The following SENP7 variants were observed in gnomAD, a reference collection of about 807,000 sequenced individuals.
SENP7 encodes the protein sentrin-specific protease 7.
SENP7 carries 64 observed loss-of-function variants against 141.2 expected under a neutral mutation model. The ratio of observed to expected loss-of-function variants is 0.45; its 90% CI spans 0.37 to 0.56. The LOEUF (loss-of-function observed/expected upper bound fraction) is 0.56. Ranked by LOEUF, SENP7 falls within the 20% of genes least tolerant of loss-of-function variation. The pLI is 0.00. For synonymous variants in SENP7, 382 were observed against 426.4 expected, an observed-to-expected ratio of 0.90 and a Z score of 1.28; for missense variants, 1,025 against 1,212.2, an observed-to-expected ratio of 0.85 and a Z score of 2.29.
intron 13 of SENP7, among the ~76,000 whole-genome samples, chr3:101,345,556 T>C (rs985445687): frequency 6.6e-6 from 1 of 152,230 alleles, no homozygotes; most frequent in African/African-American, 2.4e-5. Flanking sequence ...TGTTGGTGTA[T>C]AGCAGAGCTA....
chr3:101,513,197 G>C lies in SENP7; in HGVS notation c.-67C>G. ...TCAGGACCCCTCCGGCTTGGAGAGG[G>C]AGGGGGAGGGGAAAGGAAAAAAAAA... On this transcript the variant is annotated 5_prime_UTR_variant, in exon 1 of 24. Coordinates refer to ENST00000394095, the MANE Select transcript of SENP7 (RefSeq NM_020654.5). 1.3e-6 allele frequency: 1 copy of C among 746,162 alleles called. No individual in the cohort carries two copies. The highest frequency in any genetic ancestry group is 2.2e-6 in the Non-Finnish European group (1 of 458,296). The allele number at this position is 746,162 out of a possible 1,614,324, so 46.2% of individuals were successfully genotyped here.
intron 1 of SENP7, among the ~76,000 whole-genome samples, chr3:101,505,390 A>C (rs1465013373): frequency 1.3e-5 from 2 of 152,232 alleles, no homozygotes; most frequent in Non-Finnish European, 2.9e-5. Flanking sequence ...CAGTTTCTTA[A>C]ATTTTAATTT....
intron 1 of SENP7, among the ~76,000 whole-genome samples, chr3:101,511,787 A>G (rs1333782334): frequency 6.6e-6 from 1 of 152,164 alleles, no homozygotes; most frequent in Non-Finnish European, 1.5e-5. Context: ...GCACTCCTAA[A>G]TAAATTTGGA....
At chr3:101,429,859 G>A (rs990767992) in intron 4 of SENP7, among the ~76,000 whole-genome samples, 5 of 152,154 alleles carry the variant, frequency 3.3e-5, no homozygotes, top group African/African-American at 1.2e-4. Flanking sequence ...TTTGAGATAT[G>A]TTCCATCGAT....
Position 101,451,607 on chromosome 3 carries a change from CA to C in SENP7, c.284+7347del, listed in dbSNP as rs1473137986. On this transcript the variant is annotated intron_variant, in intron 4 of 23. Transcript: ENST00000394095. ...TCCAGCATATAAACAGAACCAATGA[CA>C]AAAACCATATGATTATCTCAACAGA... Among the ~76,000 whole-genome samples the C allele has an allele frequency of 6.6e-5, 10 of 152,252 alleles. No individual in the cohort carries two copies. In the East Asian group the frequency reaches 1.9e-3, roughly 29 times the overall value.
At chr3:101,511,157 G>T (rs2065841258) in intron 1 of SENP7, among the ~76,000 whole-genome samples, 1 of 152,074 alleles carries the variant, frequency 6.6e-6, no homozygotes, top group South Asian at 2.1e-4. Flanking sequence ...ACGAGAAAAA[G>T]AAAACGCTCT....
chr3:101,357,007 C>CTT, intron 11 of SENP7, among the ~76,000 whole-genome samples: 1 of 147,292 alleles, frequency 6.8e-6, no homozygotes, highest in African/African-American at 2.5e-5. Flanking sequence ...TATGAACATT[C>CTT]TTTTTTTTTT....
intron 4 of SENP7, among the ~76,000 whole-genome samples, chr3:101,427,278 C>T (rs2061992494): frequency 6.6e-6 from 1 of 152,032 alleles, no homozygotes; most frequent in Admixed American, 6.6e-5. Context: ...TGCCTGAGCT[C>T]AGGAGTTTGA....
Position 101,387,576 on chromosome 3 carries a change from G to A in SENP7, c.677+11285C>T, listed in dbSNP as rs538546864. 2.0e-5 allele frequency among the ~76,000 whole-genome samples: 3 copies of A among 152,268 alleles called. No homozygotes were observed. In the South Asian group the frequency reaches 6.2e-4, roughly 32 times the overall value. On this transcript the variant is annotated intron_variant, in intron 6 of 23. Coordinates refer to ENST00000394095, the MANE Select transcript of SENP7 (RefSeq NM_020654.5). ...CTGCCCACCACTGCTGGTGTCCACA[G>A]AGCCATCATGACCACCATTGCCAGC...
chr3:101,399,850 T>G (rs2061081937), intron 5 of SENP7, among the ~76,000 whole-genome samples: 1 of 152,160 alleles, frequency 6.6e-6, no homozygotes, highest in Admixed American at 6.5e-5. Context: ...GGTTTCAAAC[T>G]CCTGGGCTCA....
intron 11 of SENP7, chr3:101,357,742 A>G: frequency 1.5e-6 from 1 of 657,348 alleles, no homozygotes; most frequent in Non-Finnish European, 2.8e-6. Flanking sequence ...GACATAAGAC[A>G]TACTGGAAAA....
intron 13 of SENP7, among the ~76,000 whole-genome samples, chr3:101,345,971 G>C (rs912061008): frequency 2.0e-5 from 3 of 152,148 alleles, no homozygotes; most frequent in Non-Finnish European, 2.9e-5. Context: ...AGTCAGCAGA[G>C]TAAATAGACA....
intron 6 of SENP7, among the ~76,000 whole-genome samples, chr3:101,379,885 T>C (rs1181297170): frequency 2.0e-5 from 3 of 152,200 alleles, no homozygotes; most frequent in African/African-American, 7.2e-5. Flanking sequence ...ATGTTCATAA[T>C]GGCATTACAC....
At chr3:101,376,965 GA>G (rs1239617554) in intron 6 of SENP7, among the ~76,000 whole-genome samples, 3 of 152,148 alleles carry the variant, frequency 2.0e-5, no homozygotes, top group African/African-American at 4.8e-5. Context: ...AAAGTTGTAA[GA>G]TTTTTTTTAA....
intron 5 of SENP7, among the ~76,000 whole-genome samples, chr3:101,405,377 A>C (rs1245165043): frequency 6.6e-6 from 1 of 152,190 alleles, no homozygotes; most frequent in Non-Finnish European, 1.5e-5. Flanking sequence ...CCATAGGAAA[A>C]GGGCGAGAGT....
intron 4 of SENP7, among the ~76,000 whole-genome samples, chr3:101,438,372 A>T (rs2107751652): frequency 6.6e-6 from 1 of 152,346 alleles, no homozygotes; most frequent in East Asian, 1.9e-4. Flanking sequence ...AAAAAGTTAA[A>T]ATCATCAAAA....
intron 5 of SENP7, among the ~76,000 whole-genome samples, chr3:101,412,044 A>G (rs1324206370): frequency 1.3e-5 from 2 of 152,202 alleles, no homozygotes; most frequent in African/African-American, 2.4e-5. Context: ...GGAAACTGTC[A>G]TATTCAAATA....
intron 11 of SENP7, chr3:101,358,588 C>T (rs1198166111): frequency 5.2e-6 from 1 of 191,548 alleles, no homozygotes; most frequent in Non-Finnish European, 1.1e-5. Flanking sequence ...AGAAACTCTA[C>T]AAGTGTAAAG....
intron 4 of SENP7, among the ~76,000 whole-genome samples, chr3:101,445,127 GACTA>G (rs2062840037): frequency 2.0e-5 from 3 of 152,082 alleles, no homozygotes; most frequent in Non-Finnish European, 4.4e-5. Flanking sequence ...ATCTCCATCA[GACTA>G]ACTAAATTTC....
Sources: gnomAD v4.1 joint callset for allele counts (sites outside exome capture counted in the v4.1 genomes callset) on GRCh38, gnomAD v4.1.1 for gene constraint, MANE v1.5 for transcripts, NCBI Gene and HGNC (gene_info 2026-07-23, HGNC 2026-07-21) for gene names.